CAP2: variants seen among roughly 807,000 people sequenced by gnomAD.
CAP2 encodes cyclase associated actin cytoskeleton regulatory protein 2, also known as adenylyl cyclase-associated protein 2.
A neutral mutation model predicts 57.7 loss-of-function variants in CAP2; 24 were observed. The observed-to-expected ratio is 0.42, with a 90% CI of 0.30 to 0.58. CAP2 has a LOEUF of 0.58. CAP2 is among the 20% of genes least tolerant of loss of function. The probability of loss-of-function intolerance (pLI) is 0.22; values close to 1 mark genes in which losing one functional copy is unlikely to be tolerated. For synonymous variants in CAP2, 194 were observed against 207.2 expected (o/e 0.94, Z 0.55); for missense variants, 501 against 590.3 (o/e 0.85, Z 1.57).
At chr6:17,506,821 A>C (rs1245966801) in intron 4 of CAP2, among the ~76,000 whole-genome samples, 1 of 152,124 alleles carries the variant, frequency 6.6e-6, no homozygotes, top group Admixed American at 6.6e-5. Flanking sequence ...GCAGTGTGTG[A>C]TCTATTTGCC....
chr6:17,543,525 G>A (rs373237035), intron 11 of CAP2, among the ~76,000 whole-genome samples: 36 of 151,708 alleles, frequency 2.4e-4, no homozygotes, highest in African/African-American at 8.0e-4. Context: ...GGAGGCTGAG[G>A]CGGGAGAATG....
At chr6:17,437,749 T>A (rs1367554942) in intron 3 of CAP2, among the ~76,000 whole-genome samples, 2 of 152,104 alleles carry the variant, frequency 1.3e-5, no homozygotes, top group East Asian at 3.9e-4. Flanking sequence ...TGGTGGCACA[T>A]GCCTGTAATC....
chr6:17,516,846 AC>A (rs1762283416), intron 7 of CAP2, among the ~76,000 whole-genome samples: 1 of 151,936 alleles, frequency 6.6e-6, no homozygotes, highest in Non-Finnish European at 1.5e-5. Flanking sequence ...TGTTAACACG[AC>A]CCTTCAAGAC....
intron 4 of CAP2, among the ~76,000 whole-genome samples, chr6:17,483,804 G>A (rs1225077433): frequency 2.6e-5 from 4 of 151,980 alleles, no homozygotes; most frequent in East Asian, 1.9e-4. Context: ...CATGGCTGAC[G>A]GGGTTGTTTT....
Position 17,418,876 on chromosome 6 carries a change from C to CT in CAP2, c.-1-2670dup, listed in dbSNP as rs1004989608. ...AAGGATTCAATTACATTTCTCTTTC[C>CT]TTTTTTTTTCCTTCAATTGCGATGG... On this transcript the variant is annotated intron_variant, in intron 1 of 12. Transcript: ENST00000229922. 7.9e-5 allele frequency among the ~76,000 whole-genome samples: 12 copies of CT among 151,496 alleles called. 1 individual carries two copies. The highest frequency in any genetic ancestry group is 3.3e-4 in the Admixed American group (5 of 15,158).
At chr6:17,496,031 G>GT (rs1761659659) in intron 4 of CAP2, among the ~76,000 whole-genome samples, 1 of 134,356 alleles carries the variant, frequency 7.4e-6, no homozygotes, top group Non-Finnish European at 1.6e-5. Context: ...TGTGGGTGGG[G>GT]GGGGGGGGTA....
At chr6:17,436,849 G>C (rs564057975) in intron 3 of CAP2, among the ~76,000 whole-genome samples, 3 of 152,234 alleles carry the variant, frequency 2.0e-5, no homozygotes, top group Admixed American at 2.0e-4. Flanking sequence ...AGCTTCATCT[G>C]TACTTAGAGC....
intron 11 of CAP2, among the ~76,000 whole-genome samples, chr6:17,545,698 C>A (rs568766477): frequency 7.9e-5 from 12 of 152,246 alleles, no homozygotes; most frequent in Non-Finnish European, 1.5e-4. Context: ...CCCTCCCCCT[C>A]CCCCAACCTC....
chr6:17,467,902 ATTCT>A (rs1760911082), intron 4 of CAP2, among the ~76,000 whole-genome samples: 1 of 152,054 alleles, frequency 6.6e-6, no homozygotes, highest in African/African-American at 2.4e-5. Context: ...GGCCTTATTC[ATTCT>A]TTCTAACTAC....
intron 11 of CAP2, among the ~76,000 whole-genome samples, chr6:17,547,681 A>T (rs552730800): frequency 6.6e-6 from 1 of 152,008 alleles, no homozygotes; most frequent in Non-Finnish European, 1.5e-5. Flanking sequence ...CTCTACTAAA[A>T]ATACAAAAAA....
At chr6:17,550,088 G>C (rs947932410) in intron 11 of CAP2, among the ~76,000 whole-genome samples, 6 of 152,090 alleles carry the variant, frequency 3.9e-5, no homozygotes, top group African/African-American at 1.2e-4. Context: ...AAATGAACCA[G>C]CCGGGTGCAG....
intron 4 of CAP2, among the ~76,000 whole-genome samples, chr6:17,476,909 C>G (rs189998558): frequency 8.1e-6 from 1 of 123,092 alleles, no homozygotes; most frequent in African/African-American, 3.3e-5. Context: ...TCTCGCTCTG[C>G]TGCCCAGGCT....
chr6:17,426,739 C>T (rs1366718929), intron 3 of CAP2, 49 bp downstream of exon 3: 1 of 1,268,416 alleles, frequency 7.9e-7, no homozygotes, highest in Non-Finnish European at 1.2e-6. Flanking sequence ...AACTTACCAG[C>T]CCAGCCTCTG....
At chr6:17,485,309 A>C (rs79807072) in intron 4 of CAP2, among the ~76,000 whole-genome samples, 4,566 of 152,298 alleles carry the variant, frequency 0.03, 219 homozygotes, top group African/African-American at 0.1. Context: ...TTATATGCCA[A>C]GTACAGATGG....
intron 1 of CAP2, among the ~76,000 whole-genome samples, chr6:17,405,056 C>T (rs1373566425): frequency 2.0e-5 from 3 of 152,174 alleles, no homozygotes; most frequent in South Asian, 4.1e-4. Flanking sequence ...ACATATACCA[C>T]GTTTTTTCCT....
At chr6:17,546,459 A>G (rs1371015757) in intron 11 of CAP2, among the ~76,000 whole-genome samples, 6 of 151,966 alleles carry the variant, frequency 3.9e-5, no homozygotes, top group Non-Finnish European at 7.4e-5. Flanking sequence ...TTGTCAGATG[A>G]GTAGATTGCA....
chr6:17,536,588 G>T (rs375681755), intron 7 of CAP2, among the ~76,000 whole-genome samples: 9 of 152,318 alleles, frequency 5.9e-5, no homozygotes, highest in East Asian at 1.9e-4. Context: ...TGAATATGTG[G>T]CTTTTTAGTT....
chr6:17,417,382 C>G (rs1220913158), intron 1 of CAP2, among the ~76,000 whole-genome samples: 1 of 150,790 alleles, frequency 6.6e-6, no homozygotes, highest in African/African-American at 2.4e-5. Flanking sequence ...CTCAAGAGAT[C>G]CTCCTGCCTC....
At chr6:17,529,402 G>A (rs1418189509) in intron 7 of CAP2, among the ~76,000 whole-genome samples, 1 of 152,138 alleles carries the variant, frequency 6.6e-6, no homozygotes, top group African/African-American at 2.4e-5. Context: ...AACACTTTGG[G>A]AGGCCAAGGC....
Sources: allele counts gnomAD v4.1 joint callset (sites outside exome capture counted in the v4.1 genomes callset), GRCh38; gene constraint gnomAD v4.1.1; transcripts MANE v1.5; gene names NCBI Gene and HGNC (gene_info 2026-07-23, HGNC 2026-07-21).